The following GALNS variants were observed in gnomAD, a reference collection of about 807,000 sequenced individuals.
GALNS encodes the protein galactosamine (N-acetyl)-6-sulfatase, also known as N-acetylgalactosamine-6-sulfatase.
In GALNS, 65 loss-of-function variants were observed where a neutral mutation model predicts 65.9. The ratio of observed to expected loss-of-function variants is 0.99; its 90% CI spans 0.81 to 1.21. The LOEUF (loss-of-function observed/expected upper bound fraction) is 1.21, where lower values mean the gene tolerates loss of function less well. Ranked by LOEUF, GALNS falls within the 50% of genes most tolerant of loss-of-function variation. The pLI, the probability that GALNS is intolerant of heterozygous loss-of-function variation, is 0.00. For synonymous variants in GALNS, 346 were observed against 288.9 expected (o/e 1.20, Z -2.00); for missense variants, 776 against 700.7 (o/e 1.11, Z -1.21).
intron 6 of GALNS, 53 bp downstream of exon 6, chr16:88,836,148 C>T (rs368014775): frequency 1.1e-5 from 17 of 1,515,226 alleles, no homozygotes; most frequent in African/African-American, 5.5e-5. Context: ...GAGGTTGGTG[C>T]GGTCCCCGTC....
rs3784883 is a variant in GALNS at position 88,837,488 on chromosome 16, C to T, written c.566+134G>A. 0.27 allele frequency: 235,164 copies of T among 884,354 alleles called. 33,561 individuals carry two copies. The highest frequency in any genetic ancestry group is 0.57 in the East Asian group (22,550 of 39,284). The allele number at this position is 884,354 out of a possible 1,614,324, so 54.8% of individuals were successfully genotyped here. ...ACAGAAGCCACCAAACCAAAGCCCT[C>T]GGTGCCCGGGGACCCAGGGACAGAC... is the stretch of plus-strand genomic sequence containing the variant. On this transcript the variant is annotated intron_variant, in intron 5 of 13. Coordinates refer to ENST00000268695, the MANE Select transcript of GALNS (RefSeq NM_000512.5).
chr16:88,856,738 G>A lies in GALNS; in HGVS notation c.120+20C>T. 1 of 630,834 alleles carries A rather than the reference G, an allele frequency of 1.6e-6. No homozygotes were observed. The allele number at this position is 630,834 out of a possible 1,614,324, so 39.1% of individuals were successfully genotyped here. On this transcript the variant is annotated intron_variant, in intron 1 of 13. Coordinates refer to ENST00000268695, the MANE Select transcript of GALNS (RefSeq NM_000512.5). ...CCCCGCCCCACCCCGGCCCTGCCCC[G>A]TCCCACCGCCCGCACTCACGTCGTC...
At chr16:88,828,828 G>A (rs1195482096) in intron 9 of GALNS, among the ~76,000 whole-genome samples, 2 of 152,192 alleles carry the variant, frequency 1.3e-5, no homozygotes, top group African/African-American at 4.8e-5. Flanking sequence ...CCTTTTCCAG[G>A]CTGCTGCTGA....
intron 8 of GALNS, among the ~76,000 whole-genome samples, chr16:88,833,487 T>G (rs1299685464): frequency 6.7e-6 from 1 of 150,000 alleles, no homozygotes; most frequent in African/African-American, 2.5e-5. Context: ...AGTCTCGCTC[T>G]GTCGCCCAGG....
chr16:88,849,833 AGGGAGGT>A (rs1967423750), intron 1 of GALNS, among the ~76,000 whole-genome samples: 1 of 152,250 alleles, frequency 6.6e-6, no homozygotes, highest in South Asian at 2.1e-4. Context: ...TGAGGAAGAA[AGGGAGGT>A]GGGAGGACAG....
intron 1 of GALNS, chr16:88,856,005 G>A: frequency 3.3e-6 from 2 of 599,720 alleles, no homozygotes; most frequent in Non-Finnish European, 6.0e-6. Flanking sequence ...CAAGCTTGGA[G>A]ACAGTAGGGT....
At chr16:88,843,189 A>C in intron 1 of GALNS, 2 of 1,354,710 alleles carry the variant, frequency 1.5e-6, no homozygotes, top group Non-Finnish European at 1.9e-6. Context: ...CTGGCCTCTA[A>C]ACACGTGCAT....
At position 88,815,457 on chromosome 16, in the gene GALNS, C is replaced by T. The variant is rs1320157064; in HGVS notation, c.1483-932G>A. ...GCGGTGCTGAGCGGAGCCCGCACCC[C>T]TCCATCGCCTGGGTGTGTGTGGACC... is the stretch of plus-strand genomic sequence containing the variant. On this transcript the variant is annotated intron_variant, in intron 13 of 13. Transcript: ENST00000268695. The T allele has an allele frequency of 2.0e-5, 20 of 985,362 alleles. No homozygotes were observed. The East Asian group carries it at 9.1e-4, about 45-fold the overall frequency. The allele number at this position is 985,362 out of a possible 1,614,324, so 61.0% of individuals were successfully genotyped here. A position where few individuals can be genotyped will look rare whatever the true frequency, so the allele number is the denominator to read the frequency against.
At chr16:88,845,988 TAAAC>T (rs1258758426) in intron 1 of GALNS, among the ~76,000 whole-genome samples, 1 of 152,142 alleles carries the variant, frequency 6.6e-6, no homozygotes, top group African/African-American at 2.4e-5. Flanking sequence ...ACACTCTCAC[TAAAC>T]AAACAAACAA....
Position 88,843,054 on chromosome 16 carries a change from C to T in GALNS, c.121-225G>A, listed in dbSNP as rs539089903. 70 of 1,519,098 alleles carry T rather than the reference C, an allele frequency of 4.6e-5. 1 individual carries two copies. Among genetic ancestry groups the T allele is most frequent in the Middle Eastern group, 4.3e-4 (2 of 4,702 alleles). The allele number at this position is 1,519,098 out of a possible 1,614,324, so 94.1% of individuals were successfully genotyped here. A position where few individuals can be genotyped will look rare whatever the true frequency, so the allele number is the denominator to read the frequency against. The stretch of plus-strand genomic sequence containing the variant: ...CCTCAGCATCGCCTGCGTGCGTGCA[C>T]GATGGGGCCGCTCCACGGTCAGCCC... On this transcript the variant is annotated intron_variant, in intron 1 of 13. Coordinates refer to ENST00000268695, the MANE Select transcript of GALNS (RefSeq NM_000512.5).
chr16:88,851,311 C>G (rs771277212), intron 1 of GALNS, among the ~76,000 whole-genome samples: 1 of 152,132 alleles, frequency 6.6e-6, no homozygotes, highest in Admixed American at 6.5e-5. Flanking sequence ...CTCAGGAAGT[C>G]AAGACCAACC....
rs1911019482 is a variant in GALNS, at chr16:88,827,183, C to T, written c.1003-345G>A. On this transcript the variant is annotated intron_variant, in intron 9 of 13. Transcript: ENST00000268695. ...TCAGCCTCGCTCTAACACTGAATGC[C>T]CTAAGGCCACTGTGAGCCCTGCCCC... 7.8e-6 allele frequency: 3 copies of T among 385,946 alleles called. No individual in the cohort carries two copies. The Admixed American group carries it at 1.2e-4, about 15-fold the overall frequency. 23.9% of individuals were successfully genotyped at this position (385,946 alleles called of 1,614,324 possible). A position where few individuals can be genotyped will look rare whatever the true frequency, so the allele number is the denominator to read the frequency against.
intron 9 of GALNS, among the ~76,000 whole-genome samples, chr16:88,831,095 G>C (rs1417821254): frequency 6.6e-6 from 1 of 152,162 alleles, no homozygotes; most frequent in African/African-American, 2.4e-5. Context: ...CAGCACCCAC[G>C]TGACACACGG....
chr16:88,836,169 C>T (rs1271824724), intron 6 of GALNS, 32 bp downstream of exon 6: 2 of 1,605,824 alleles, frequency 1.2e-6, no homozygotes, highest in South Asian at 2.2e-5. Flanking sequence ...CCCATGCGTC[C>T]CACAGGGCGA....
chr16:88,855,431 G>C (rs977145792), intron 1 of GALNS: 1 of 702,726 alleles, frequency 1.4e-6, no homozygotes, highest in East Asian at 2.7e-5. Context: ...ATCTTTAGGA[G>C]GGAGATGCCA....
intron 13 of GALNS, 100 bp from the exon 14 acceptor site, chr16:88,814,625 ACT>A (rs1465515223): frequency 6.5e-6 from 10 of 1,534,720 alleles, no homozygotes; most frequent in Non-Finnish European, 8.8e-6. Flanking sequence ...AGACAGTCTC[ACT>A]CTGTCACCCA....
intron 1 of GALNS, among the ~76,000 whole-genome samples, chr16:88,852,677 A>G (rs1402521293): frequency 6.6e-6 from 1 of 152,260 alleles, no homozygotes; most frequent in East Asian, 1.9e-4. Flanking sequence ...TCAACAGTGT[A>G]GAGAAGACCT....
Position 88,814,545 on chromosome 16 carries a change from A to G in GALNS, c.1483-20T>C. On this transcript the variant is annotated intron_variant, in intron 13 of 13. Coordinates refer to ENST00000268695, the MANE Select transcript of GALNS (RefSeq NM_000512.5). ...CCAGTTCTGGGAAATGAAAATTGAG[A>G]AAAAGAACATGCAGTTATTCAAGCT... is the stretch of plus-strand genomic sequence containing the variant. 3 of 1,551,564 alleles carry G rather than the reference A, an allele frequency of 1.9e-6. No homozygotes were observed. The highest frequency in any genetic ancestry group is 2.6e-6 in the Non-Finnish European group (3 of 1,147,288).
chr16:88,845,073 C>G (rs1967181278), intron 1 of GALNS: 1 of 152,354 alleles, frequency 6.6e-6, no homozygotes, highest in South Asian at 2.1e-4. Flanking sequence ...GTGGGCCGGG[C>G]TCGGTGGCTC....
Sources: allele counts gnomAD v4.1 joint callset (sites outside exome capture counted in the v4.1 genomes callset), GRCh38; gene constraint gnomAD v4.1.1; transcripts MANE v1.5; gene names NCBI Gene and HGNC (gene_info 2026-07-23, HGNC 2026-07-21).